Variants in RPS6KC1 observed in about 807,000 individuals in gnomAD.
RPS6KC1 encodes the protein ribosomal protein S6 kinase C1.
In RPS6KC1, 54 loss-of-function variants were observed where a neutral mutation model predicts 103.8. That is an observed-to-expected ratio of 0.52 (90% CI 0.42 to 0.65). RPS6KC1 has a LOEUF of 0.65. Among genes scored for constraint, RPS6KC1 ranks in the 30% least tolerant of loss-of-function variants. The pLI is 0.00. For missense variants in RPS6KC1, 1,151 were observed against 1,253.8 expected, an observed-to-expected ratio of 0.92 and a Z score of 1.24; for synonymous variants, 439 against 438.7, an observed-to-expected ratio of 1.00 and a Z score of -0.01.
chr1:213,766,285 C>T, the RPS6KC1 span, among the ~76,000 whole-genome samples: 2 of 152,146 alleles, frequency 1.3e-5, no homozygotes, highest in African/African-American at 4.8e-5. Context: ...CAGAAGAAGG[C>T]AAAACTAAGA....
the RPS6KC1 span, among the ~76,000 whole-genome samples, chr1:213,647,696 G>A: frequency 7.9e-5 from 12 of 152,082 alleles, no homozygotes; most frequent in African/African-American, 2.7e-4. Context: ...GCTCCCAAAC[G>A]TTTTCTGTTC....
chr1:213,123,314 C>CA (rs1013827749), intron 5 of RPS6KC1, among the ~76,000 whole-genome samples: 7 of 151,888 alleles, frequency 4.6e-5, no homozygotes, highest in African/African-American at 1.7e-4. Context: ...GTTCATTTGG[C>CA]AAAAAATGAA....
the RPS6KC1 span, among the ~76,000 whole-genome samples, chr1:213,738,837 AAAAT>A: frequency 0.011 from 1,523 of 143,436 alleles, 24 homozygotes; most frequent in Middle Eastern, 0.046. Flanking sequence ...TCTACTCTAA[AAAAT>A]AAATAAATAA....
chr1:213,081,635 G>A (rs1189831590), intron 3 of RPS6KC1, among the ~76,000 whole-genome samples: 2 of 151,184 alleles, frequency 1.3e-5, no homozygotes, highest in East Asian at 3.9e-4. Context: ...ATAAAAGACT[G>A]TGGCATCTCT....
rs55930200 is a variant in RPS6KC1, at chr1:213,158,036, C to T, written c.836-9822C>T. ...ATGTTTCCATTTTTTTATTTACAAC[C>T]TGGTTGCTTCTTTGAATCAATGTAT... is the stretch of plus-strand genomic sequence containing the variant. On this transcript the variant is annotated intron_variant, in intron 6 of 14. Transcript: ENST00000366960. Among the ~76,000 whole-genome samples, 394 of 152,040 alleles carry T rather than the reference C, an allele frequency of 2.6e-3. 3 individuals are homozygous for T. Among genetic ancestry groups the T allele is most frequent in the African/African-American group, 8.7e-3 (362 of 41,470 alleles).
intron 9 of RPS6KC1, 74 bp from the exon 10 acceptor site, chr1:213,232,049 A>G (rs1450260309): frequency 6.3e-7 from 1 of 1,575,582 alleles, no homozygotes; most frequent in African/African-American, 1.4e-5. Flanking sequence ...GTTGATAAAC[A>G]CAGAGCACAG....
the RPS6KC1 span, among the ~76,000 whole-genome samples, chr1:213,509,191 A>C: frequency 6.6e-6 from 1 of 152,238 alleles, no homozygotes. Flanking sequence ...AAGCCAGTAC[A>C]TACGATCACC....
intron 12 of RPS6KC1, among the ~76,000 whole-genome samples, chr1:213,260,941 C>T (rs935517804): frequency 3.3e-5 from 5 of 152,098 alleles, no homozygotes; most frequent in South Asian, 2.1e-4. Context: ...TAGTTTCAGC[C>T]GTGGCTTAAA....
chr1:213,638,300 C>A, the RPS6KC1 span, among the ~76,000 whole-genome samples: 5 of 152,036 alleles, frequency 3.3e-5, no homozygotes, highest in East Asian at 7.7e-4. Context: ...TTGTGATTTG[C>A]AAATATTTTC....
the RPS6KC1 span, among the ~76,000 whole-genome samples, chr1:213,667,757 C>T: frequency 2.0e-5 from 3 of 152,292 alleles, no homozygotes; most frequent in African/African-American, 7.2e-5. Flanking sequence ...TCCTCTCAAA[C>T]CCTGTTGCTG....
the RPS6KC1 span, among the ~76,000 whole-genome samples, chr1:213,578,692 A>G: frequency 1.3e-5 from 2 of 150,948 alleles, no homozygotes; most frequent in African/African-American, 2.4e-5. Flanking sequence ...ATTTTGGCCA[A>G]TTTCTCCCAT....
At chr1:213,704,847 T>C in the RPS6KC1 span, among the ~76,000 whole-genome samples, 1 of 152,260 alleles carries the variant, frequency 6.6e-6, no homozygotes, top group African/African-American at 2.4e-5. Flanking sequence ...CCAAGCTGAG[T>C]AAAGCCATGG....
At chr1:213,481,573 A>G in the RPS6KC1 span, among the ~76,000 whole-genome samples, 3 of 152,090 alleles carry the variant, frequency 2.0e-5, no homozygotes. Context: ...ATTTTATTTC[A>G]CCTGAGGGCA....
chr1:213,665,517 AG>A, the RPS6KC1 span, among the ~76,000 whole-genome samples: 3,672 of 152,272 alleles, frequency 0.024, 138 homozygotes, highest in African/African-American at 0.084. Flanking sequence ...CTATTGGCAA[AG>A]ATGAAAAAGT....
In RPS6KC1 at chr1:213,241,562, C is replaced by G; in HGVS notation, c.2086C>G (p.Pro696Ala). The G allele has an allele frequency of 6.2e-7, 1 of 1,613,906 alleles. No homozygotes were observed. Among genetic ancestry groups the G allele is most frequent in the Non-Finnish European group, 8.5e-7 (1 of 1,179,924 alleles). The change falls in exon 11 of 15, where the codon CCT (proline) becomes GCT (alanine). Residue 696 changes from proline (P) to alanine (A), a missense_variant. Pro to Ala is a conservative substitution (Grantham distance 27). Coordinates refer to ENST00000366960, the MANE Select transcript of RPS6KC1 (RefSeq NM_012424.6). ...EGRPDLLVNLPGELESTREAA... is the reference protein window; with the variant it reads ...EGRPDLLVNLAGELESTREAA... The stretch of plus-strand genomic sequence containing the variant: ...AAGACCTGATCTTCTTGTAAATTTA[C>G]CTGGTGAATTGGAGTCAACAAGAGA...
chr1:213,154,881 A>G (rs184374001), intron 6 of RPS6KC1, among the ~76,000 whole-genome samples: 3 of 152,248 alleles, frequency 2.0e-5, no homozygotes, highest in Admixed American at 6.5e-5. Context: ...AAAGTCTGCA[A>G]GTCTCACAGG....
intron 2 of RPS6KC1, among the ~76,000 whole-genome samples, chr1:213,071,972 A>G (rs1222612128): frequency 6.6e-6 from 1 of 152,012 alleles, no homozygotes; most frequent in Non-Finnish European, 1.5e-5. Flanking sequence ...ATCTTTAGGA[A>G]TCCTTACTGA....
the RPS6KC1 span, among the ~76,000 whole-genome samples, chr1:213,798,126 C>T: frequency 2.6e-5 from 4 of 152,310 alleles, no homozygotes; most frequent in South Asian, 8.3e-4. Context: ...TGTGCCCAGG[C>T]TCCCAGTGCC....
At chr1:213,299,986 T>C in the RPS6KC1 span, among the ~76,000 whole-genome samples, 1 of 152,116 alleles carries the variant, frequency 6.6e-6, no homozygotes, top group Non-Finnish European at 1.5e-5. Context: ...TTTGTATTTT[T>C]AGTAGAGACG....
Sources: gnomAD v4.1 joint callset for allele counts (sites outside exome capture counted in the v4.1 genomes callset) on GRCh38, gnomAD v4.1.1 for gene constraint, MANE v1.5 for transcripts, NCBI Gene and HGNC (gene_info 2026-07-23, HGNC 2026-07-21) for gene names.